The following PIGK variants were observed in gnomAD, a reference collection of about 807,000 sequenced individuals.
The protein encoded by PIGK is GPI-anchor transamidase.
In PIGK, 42 loss-of-function variants were observed where a neutral mutation model predicts 50.6. The ratio of observed to expected loss-of-function variants is 0.83; its 90% CI spans 0.65 to 1.07. The LOEUF (loss-of-function observed/expected upper bound fraction) is 1.07, where lower values mean the gene tolerates loss of function less well. Among genes scored for constraint, PIGK ranks in the 50% least tolerant of loss-of-function variants. The pLI is 0.00. For synonymous variants in PIGK, 151 were observed against 156.0 expected (o/e 0.97, Z 0.24); for missense variants, 448 against 488.7 (o/e 0.92, Z 0.78).
At chr1:77,200,645 C>A (rs772447203) in intron 3 of PIGK, among the ~76,000 whole-genome samples, 25 of 151,982 alleles carry the variant, frequency 1.6e-4, no homozygotes, top group African/African-American at 5.8e-4. Flanking sequence ...TAAAAGAATT[C>A]ATTCATTATA....
chr1:77,178,132 CT>C (rs1655529045), intron 3 of PIGK, among the ~76,000 whole-genome samples: 1 of 152,158 alleles, frequency 6.6e-6, no homozygotes. Flanking sequence ...TGCAGCCAGT[CT>C]TATATACAGA....
chr1:77,092,432 A>G lies in PIGK; in HGVS notation c.1130T>C (p.Leu377Pro). Residue 377 changes from leucine to proline, a missense_variant, in exon 11 of 11, where the codon CTT becomes CCT. Coordinates refer to ENST00000370812, the MANE Select transcript of PIGK (RefSeq NM_005482.3). ...PGGFILGLWALIIMVFFKTYG... is the reference protein window; with the variant it reads ...PGGFILGLWAPIIMVFFKTYG... Reference sequence around the variant, plus strand: ...AGTTTTGAAGAAAACCATGATAATAAGTGCCCATAATCCCAGAATAAAGCC... The same window carrying G: ...AGTTTTGAAGAAAACCATGATAATAGGTGCCCATAATCCCAGAATAAAGCC... 3 of 1,607,764 alleles carry G rather than the reference A, an allele frequency of 1.9e-6. No homozygotes were observed. The highest frequency in any genetic ancestry group is 2.5e-6 in the Non-Finnish European group (3 of 1,176,970).
At chr1:77,101,247 A>T (rs1240940008) in intron 10 of PIGK, among the ~76,000 whole-genome samples, 1 of 152,178 alleles carries the variant, frequency 6.6e-6, no homozygotes, top group Admixed American at 6.5e-5. Flanking sequence ...TTTATGTTTT[A>T]AAAAAATAGA....
chr1:77,130,329 C>T (rs1276674593), intron 9 of PIGK, among the ~76,000 whole-genome samples: 1 of 85,592 alleles, frequency 1.2e-5, no homozygotes, highest in South Asian at 3.9e-4. Flanking sequence ...AAAAAAAAGA[C>T]ATTCTGCAAT....
intron 9 of PIGK, among the ~76,000 whole-genome samples, chr1:77,148,923 G>C (rs1334443272): frequency 6.6e-6 from 1 of 152,024 alleles, no homozygotes; most frequent in Non-Finnish European, 1.5e-5. Flanking sequence ...CACCATGTTG[G>C]CCAGAATGGT....
intron 10 of PIGK, among the ~76,000 whole-genome samples, chr1:77,121,172 C>T (rs971285740): frequency 6.6e-6 from 1 of 152,108 alleles, no homozygotes; most frequent in African/African-American, 2.4e-5. Context: ...TTGCTGCCTG[C>T]TCTGCTGTTT....
intron 4 of PIGK, among the ~76,000 whole-genome samples, chr1:77,168,206 T>C (rs998882956): frequency 3.3e-5 from 5 of 152,196 alleles, no homozygotes; most frequent in Non-Finnish European, 7.4e-5. Flanking sequence ...TTTAAAGTTA[T>C]AGAGAGTAAA....
At chr1:77,106,319 G>A (rs918200585) in intron 10 of PIGK, among the ~76,000 whole-genome samples, 1 of 152,100 alleles carries the variant, frequency 6.6e-6, no homozygotes, top group African/African-American at 2.4e-5. Context: ...GAGATACATA[G>A]GCTGAAGAAC....
At chr1:77,124,560 G>A (rs1026275094) in intron 9 of PIGK, among the ~76,000 whole-genome samples, 1 of 151,166 alleles carries the variant, frequency 6.6e-6, no homozygotes, top group Admixed American at 6.6e-5. Context: ...AGTGAGCCAA[G>A]ACTGCGCCAC....
chr1:77,101,708 T>TA (rs1316122719), intron 10 of PIGK, among the ~76,000 whole-genome samples: 1 of 152,104 alleles, frequency 6.6e-6, no homozygotes, highest in Non-Finnish European at 1.5e-5. Context: ...AGTCATAAAT[T>TA]AAAAAATATT....
chr1:77,194,619 G>T (rs1557820582), intron 3 of PIGK, among the ~76,000 whole-genome samples: 1 of 136,740 alleles, frequency 7.3e-6, no homozygotes, highest in East Asian at 2.5e-4. Flanking sequence ...GGAAACAACA[G>T]ACACCAGAAC....
intron 3 of PIGK, among the ~76,000 whole-genome samples, chr1:77,180,677 G>A (rs1052737264): frequency 3.4e-5 from 5 of 149,178 alleles, no homozygotes; most frequent in South Asian, 2.2e-4. Context: ...CATTGGTTCC[G>A]TGGGTAGGGA....
At chr1:77,144,350 G>T (rs1431476954) in intron 9 of PIGK, among the ~76,000 whole-genome samples, 1 of 151,788 alleles carries the variant, frequency 6.6e-6, no homozygotes, top group Non-Finnish European at 1.5e-5. Context: ...ATATGATACA[G>T]AACTTTATCG....
intron 3 of PIGK, among the ~76,000 whole-genome samples, chr1:77,186,199 C>T (rs905429302): frequency 6.6e-6 from 1 of 152,194 alleles, no homozygotes; most frequent in Non-Finnish European, 1.5e-5. Context: ...ATGGGGAGTT[C>T]CCTATGATCA....
chr1:77,141,177 A>C (rs1278927155), intron 9 of PIGK, among the ~76,000 whole-genome samples: 1 of 147,564 alleles, frequency 6.8e-6, no homozygotes, highest in Non-Finnish European at 1.5e-5. Flanking sequence ...TCTGGCTGGC[A>C]ATATAGTTCA....
chr1:77,098,337 A>T (rs924926244), intron 10 of PIGK, among the ~76,000 whole-genome samples: 4 of 147,246 alleles, frequency 2.7e-5, no homozygotes, highest in South Asian at 2.2e-4. Flanking sequence ...GGTGGAGGAA[A>T]TTTTTTTTTT....
intron 3 of PIGK, among the ~76,000 whole-genome samples, chr1:77,171,786 T>G (rs974286881): frequency 2.0e-5 from 3 of 152,116 alleles, no homozygotes; most frequent in African/African-American, 7.2e-5. Context: ...ACTTAAGAAA[T>G]GTACAGAACT....
chr1:77,158,326 C>CT (rs554236558), intron 8 of PIGK, among the ~76,000 whole-genome samples: 25,078 of 148,088 alleles, frequency 0.17, 3,440 homozygotes, highest in African/African-American at 0.38. Context: ...CTAAATCTCT[C>CT]TTTTTTTTTT....
chr1:77,116,562 CTGTG>C (rs763119489), intron 10 of PIGK, among the ~76,000 whole-genome samples: 1,736 of 135,060 alleles, frequency 0.013, 17 homozygotes, highest in Admixed American at 0.026. Context: ...AAATGTGTCT[CTGTG>C]TGTGTGTGTG....
Sources: gnomAD v4.1 joint callset for allele counts (sites outside exome capture counted in the v4.1 genomes callset) on GRCh38, gnomAD v4.1.1 for gene constraint, MANE v1.5 for transcripts, NCBI Gene and HGNC (gene_info 2026-07-23, HGNC 2026-07-21) for gene names.